The following UBAP2L variants were observed in gnomAD, a reference collection of about 807,000 sequenced individuals.
UBAP2L encodes the protein ubiquitin-associated protein 2-like.
Under a neutral mutation model 130.6 loss-of-function variants are expected in UBAP2L, and 12 were observed. The ratio of observed to expected loss-of-function variants is 0.09; its 90% CI spans 0.06 to 0.15. UBAP2L has a LOEUF of 0.15. Ranked by LOEUF, UBAP2L falls within the 10% of genes least tolerant of loss-of-function variation. UBAP2L has a pLI of 1.00. For missense variants in UBAP2L, 965 were observed against 1,332.5 expected (o/e 0.72, Z 4.29); for synonymous variants, 503 against 524.7 (o/e 0.96, Z 0.57).
In UBAP2L at chr1:154,269,119, C is replaced by T. The variant is rs554903864; in HGVS notation, c.3168+165C>T. On this transcript the variant is annotated intron_variant, in intron 26 of 26. Transcript: ENST00000428931. Reference sequence around the variant, plus strand: ...CATACAGACACAAGCGCACATAACACGAGCGGCCGGCAAAGGAAATCTCAG... The same window carrying T: ...CATACAGACACAAGCGCACATAACATGAGCGGCCGGCAAAGGAAATCTCAG... 123 of 961,088 alleles carry T rather than the reference C, an allele frequency of 1.3e-4. 1 individual carries two copies. In the African/African-American group the frequency reaches 1.8e-3, roughly 14 times the overall value. The allele number at this position is 961,088 out of a possible 1,614,324, so 59.5% of individuals were successfully genotyped here.
At chr1:154,231,780 T>C (rs1323164559) in intron 4 of UBAP2L, among the ~76,000 whole-genome samples, 2 of 152,204 alleles carry the variant, frequency 1.3e-5, no homozygotes, top group African/African-American at 4.8e-5. Flanking sequence ...TGTACATATA[T>C]GTGGCATTTT....
rs938777247 is a variant in UBAP2L at position 154,266,630 on chromosome 1, A to T, written c.2970+62A>T. 7.1e-6 allele frequency: 11 copies of T among 1,543,506 alleles called. No individual in the cohort carries two copies. The Admixed American group carries it at 1.5e-4, about 21-fold the overall frequency. Reference sequence around the variant, plus strand: ...TAGACATAGAGGAGGTGGAGTTGCAATGGTAGAAATAACAGTGGACAAGAA... The same window carrying T: ...TAGACATAGAGGAGGTGGAGTTGCATTGGTAGAAATAACAGTGGACAAGAA... On this transcript the variant is annotated intron_variant, in intron 25 of 26. Coordinates refer to ENST00000428931, the MANE Select transcript of UBAP2L (RefSeq NM_014847.4).
intron 14 of UBAP2L, 39 bp from the exon 15 acceptor site, chr1:154,253,861 A>T: frequency 6.2e-7 from 1 of 1,604,122 alleles, no homozygotes; most frequent in Non-Finnish European, 8.5e-7. Context: ...GATATGCTCT[A>T]TTTTGTTTCT....
At chr1:154,267,943 G>C (rs1397259681) in intron 25 of UBAP2L, among the ~76,000 whole-genome samples, 2 of 119,788 alleles carry the variant, frequency 1.7e-5, no homozygotes, top group Admixed American at 9.8e-5. Context: ...AGGCTGGAGT[G>C]TAATGGTGCG....
intron 16 of UBAP2L, 45 bp downstream of exon 16, chr1:154,254,935 T>G (rs1191987315): frequency 2.5e-6 from 4 of 1,577,548 alleles, no homozygotes; most frequent in Non-Finnish European, 3.4e-6. Flanking sequence ...TCTGGTTTTC[T>G]ATCTTAAAAT....
intron 15 of UBAP2L, 164 bp from the exon 16 acceptor site, chr1:154,254,672 G>GT: frequency 1.3e-6 from 1 of 753,654 alleles, no homozygotes; most frequent in Non-Finnish European, 2.1e-6. Flanking sequence ...TCCTATTTTG[G>GT]TTTTTTGGAT....
At position 154,270,771 on chromosome 1, in the gene UBAP2L, T is replaced by C; in HGVS notation, c.*476T>C. ...ATTAGTTGAAGTGGTTTTTTTTTTG[T>C]TTTTTTTTTTTTTTTGTACTGTGTC... On this transcript the variant is annotated 3_prime_UTR_variant, in exon 27 of 27. Coordinates refer to ENST00000428931, the MANE Select transcript of UBAP2L (RefSeq NM_014847.4). 3 of 707,728 alleles carry C rather than the reference T, an allele frequency of 4.2e-6. No homozygotes were observed. Among genetic ancestry groups the C allele is most frequent in the Non-Finnish European group, 5.1e-6 (3 of 584,454 alleles). The allele number at this position is 707,728 out of a possible 1,614,324, so 43.8% of individuals were successfully genotyped here. A position where few individuals can be genotyped will look rare whatever the true frequency, so the allele number is the denominator to read the frequency against.
At position 154,233,530 on chromosome 1, in the gene UBAP2L, G is replaced by A. The variant is rs558149019; in HGVS notation, c.280-1061G>A. On this transcript the variant is annotated intron_variant, in intron 4 of 26. Coordinates refer to ENST00000428931, the MANE Select transcript of UBAP2L (RefSeq NM_014847.4). ...AGTAGAGACGGGGTTTCACCGTGTTGGCCAGGCTGGTCTCAAACTCCTGCC... is the reference window on the plus strand; with the variant it reads ...AGTAGAGACGGGGTTTCACCGTGTTAGCCAGGCTGGTCTCAAACTCCTGCC... 6.8e-5 allele frequency among the ~76,000 whole-genome samples: 10 copies of A among 146,330 alleles called. No homozygotes were observed. The South Asian group carries it at 8.3e-4, about 12-fold the overall frequency.
chr1:154,251,967 T>C (rs1338362431), intron 14 of UBAP2L, among the ~76,000 whole-genome samples: 1 of 152,030 alleles, frequency 6.6e-6, no homozygotes, highest in Non-Finnish European at 1.5e-5. Flanking sequence ...TGAGTCCCTG[T>C]CTCTACAAAA....
intron 10 of UBAP2L, 21 bp downstream of exon 10, chr1:154,243,323 A>G (rs1674197321): frequency 1.2e-6 from 2 of 1,607,510 alleles, no homozygotes; most frequent in Admixed American, 1.7e-5. Context: ...AGTAAAATTT[A>G]GTACCATTTC....
chr1:154,227,924 T>C (rs1156886829), intron 3 of UBAP2L, among the ~76,000 whole-genome samples: 1 of 152,152 alleles, frequency 6.6e-6, no homozygotes, highest in African/African-American at 2.4e-5. Flanking sequence ...GCTGATGCCA[T>C]TTTGTAGAAA....
At chr1:154,268,708 C>T (rs773013891) in intron 25 of UBAP2L, 49 bp from the exon 26 acceptor site, 2 of 1,590,100 alleles carry the variant, frequency 1.3e-6, no homozygotes, top group Non-Finnish European at 1.7e-6. Flanking sequence ...AATCCCAAGA[C>T]TAGTTTGCTG....
At position 154,241,426 on chromosome 1, in the gene UBAP2L, A is replaced by G. The variant is rs542619216; in HGVS notation, c.704-87A>G. 2.6e-4 allele frequency: 381 copies of G among 1,439,100 alleles called. No homozygotes were observed. Among genetic ancestry groups the G allele is most frequent in the Non-Finnish European group, 3.5e-4 (364 of 1,036,452 alleles). The allele number at this position is 1,439,100 out of a possible 1,614,324, so 89.1% of individuals were successfully genotyped here. A position where few individuals can be genotyped will look rare whatever the true frequency, so the allele number is the denominator to read the frequency against. On this transcript the variant is annotated intron_variant, in intron 8 of 26. Transcript: ENST00000428931. ...ATTTTAGTCATACTTTTGGCTGCCA[A>G]AAAAATTAATACATTGATGTTTTCT... is the stretch of plus-strand genomic sequence containing the variant.
intron 4 of UBAP2L, among the ~76,000 whole-genome samples, chr1:154,231,410 C>G (rs1008709765): frequency 6.6e-6 from 1 of 151,242 alleles, no homozygotes; most frequent in Non-Finnish European, 1.5e-5. Context: ...AAGCGTTTTT[C>G]CCACCTCAGC....
intron 1 of UBAP2L, among the ~76,000 whole-genome samples, 190 bp from the exon 2 acceptor site, chr1:154,224,894 A>C (rs1475775640): frequency 6.6e-6 from 1 of 152,240 alleles, no homozygotes; most frequent in Non-Finnish European, 1.5e-5. Flanking sequence ...ATTTCTTGTT[A>C]CATAAAAATG....
intron 21 of UBAP2L, chr1:154,259,580 A>G (rs1183353396): frequency 6.7e-6 from 2 of 297,548 alleles, no homozygotes; most frequent in African/African-American, 4.4e-5. Context: ...ACTCTGGAGC[A>G]CTCAGGGTGC....
At chr1:154,258,761 ATTT>A in intron 20 of UBAP2L, 1 of 474,316 alleles carries the variant, frequency 2.1e-6, no homozygotes, top group Non-Finnish European at 3.8e-6. Flanking sequence ...AATCAGTAGT[ATTT>A]AGCTCAAGGA....
intron 1 of UBAP2L, among the ~76,000 whole-genome samples, chr1:154,222,883 C>T (rs1163326651): frequency 6.6e-6 from 1 of 152,160 alleles, no homozygotes; most frequent in East Asian, 1.9e-4. Context: ...GAGTCAAGGG[C>T]ACTCCTGTGT....
chr1:154,223,650 A>T (rs1469287298), intron 1 of UBAP2L, among the ~76,000 whole-genome samples: 1 of 152,132 alleles, frequency 6.6e-6, no homozygotes, highest in East Asian at 1.9e-4. Context: ...TGTAGGGGGA[A>T]GAGGTAATGG....
Sources: allele counts gnomAD v4.1 joint callset (sites outside exome capture counted in the v4.1 genomes callset), GRCh38; gene constraint gnomAD v4.1.1; transcripts MANE v1.5; gene names NCBI Gene and HGNC (gene_info 2026-07-23, HGNC 2026-07-21).